Variants in KCNN3 observed in about 807,000 individuals in gnomAD.
The protein encoded by KCNN3 is potassium calcium-activated channel subfamily N member 3.
A neutral mutation model predicts 62.9 loss-of-function variants in KCNN3; 16 were observed. The observed-to-expected ratio is 0.25, with a 90% CI of 0.17 to 0.39. The LOEUF (loss-of-function observed/expected upper bound fraction) is 0.39, where lower values mean the gene tolerates loss of function less well. Ranked by LOEUF, KCNN3 falls within the 10% of genes least tolerant of loss-of-function variation. The probability of loss-of-function intolerance (pLI) is 1.00; values close to 1 mark genes in which losing one functional copy is unlikely to be tolerated. For synonymous variants in KCNN3, 370 were observed against 389.2 expected, an observed-to-expected ratio of 0.95 and a Z score of 0.58; for missense variants, 599 against 949.4, an observed-to-expected ratio of 0.63 and a Z score of 4.85.
chr1:154,801,038 A>G (rs569820072), intron 2 of KCNN3, among the ~76,000 whole-genome samples: 10 of 152,114 alleles, frequency 6.6e-5, no homozygotes, highest in Non-Finnish European at 1.5e-4. Flanking sequence ...CCCCCGCTCA[A>G]AAAGAGAAAG....
chr1:154,817,479 C>G (rs1246286978), intron 2 of KCNN3, among the ~76,000 whole-genome samples: 2 of 152,222 alleles, frequency 1.3e-5, no homozygotes, highest in African/African-American at 2.4e-5. Context: ...GATGGAGTTG[C>G]TGTGGCCTCC....
intron 3 of KCNN3, among the ~76,000 whole-genome samples, chr1:154,746,169 G>T (rs2101807690): frequency 6.6e-6 from 1 of 152,268 alleles, no homozygotes; most frequent in South Asian, 2.1e-4. Context: ...TGCCTGGCTT[G>T]GTGCCTACTT....
At chr1:154,708,540 T>C (rs1700010536) in intron 7 of KCNN3, among the ~76,000 whole-genome samples, 3 of 152,132 alleles carry the variant, frequency 2.0e-5, no homozygotes, top group Non-Finnish European at 4.4e-5. Context: ...GCCCTTTTTT[T>C]TTTCTTAAAT....
intron 3 of KCNN3, among the ~76,000 whole-genome samples, chr1:154,756,185 G>C (rs1383520883): frequency 2.2e-5 from 2 of 92,080 alleles, no homozygotes; most frequent in Non-Finnish European, 4.8e-5. Context: ...AGAGGTGGAG[G>C]ATGGGGAGGG....
intron 6 of KCNN3, 105 bp downstream of exon 6, chr1:154,714,771 T>C: frequency 1.4e-6 from 2 of 1,474,716 alleles, no homozygotes; most frequent in South Asian, 1.1e-5. Context: ...ACTCCACTTG[T>C]TGAGTGGAAC....
At chr1:154,784,762 G>A (rs1009277664) in intron 2 of KCNN3, among the ~76,000 whole-genome samples, 24 of 152,254 alleles carry the variant, frequency 1.6e-4, no homozygotes, top group African/African-American at 5.3e-4. Context: ...ACCAGGTCCT[G>A]TGCTGTGTGC....
chr1:154,731,979 A>G (rs1700604266), intron 4 of KCNN3, among the ~76,000 whole-genome samples: 1 of 152,238 alleles, frequency 6.6e-6, no homozygotes, highest in South Asian at 2.1e-4. Flanking sequence ...CCTGGACCCA[A>G]AGTGCAATGA....
At chr1:154,826,868 G>A (rs1477131249) in intron 1 of KCNN3, among the ~76,000 whole-genome samples, 1 of 152,234 alleles carries the variant, frequency 6.6e-6, no homozygotes, top group Admixed American at 6.5e-5. Flanking sequence ...AGACCTGGAG[G>A]GGCACTGAAC....
intron 7 of KCNN3, 79 bp downstream of exon 7, chr1:154,713,385 C>T (rs1700118814): frequency 8.1e-7 from 1 of 1,238,008 alleles, no homozygotes; most frequent in African/African-American, 1.5e-5. Flanking sequence ...AGTGCGAACC[C>T]AGCCAGGACT....
chr1:154,867,933 A>T (rs1398624556), intron 1 of KCNN3: 1 of 984,876 alleles, frequency 1.0e-6, no homozygotes, highest in Non-Finnish European at 1.2e-6. Context: ...CAAGCAGAGC[A>T]TCGGCAGAAA....
chr1:154,845,012 C>CAA (rs60719320), intron 1 of KCNN3, among the ~76,000 whole-genome samples: 7 of 150,400 alleles, frequency 4.7e-5, no homozygotes, highest in East Asian at 2.0e-4. Flanking sequence ...TCTCAAAAAA[C>CAA]AAAAAAAAGA....
At chr1:154,729,868 A>T (rs1700552775) in intron 4 of KCNN3, among the ~76,000 whole-genome samples, 1 of 152,212 alleles carries the variant, frequency 6.6e-6, no homozygotes, top group African/African-American at 2.4e-5. Flanking sequence ...TTGGCAGTTC[A>T]GAGGCATCTC....
intron 4 of KCNN3, among the ~76,000 whole-genome samples, chr1:154,729,112 T>C (rs1700535923): frequency 6.6e-6 from 1 of 152,132 alleles, no homozygotes; most frequent in Admixed American, 6.5e-5. Context: ...CCTGGCTAAC[T>C]GTGGAATCTT....
In KCNN3 at chr1:154,869,004, A is replaced by G. The variant is rs770055155; in HGVS notation, c.933+28T>C. ...GCTACCTACATATTCCTTTTGTTCAAGGTATAAAGAGAAACCACAGCCCCT... is the reference window on the plus strand; with the variant it reads ...GCTACCTACATATTCCTTTTGTTCAGGGTATAAAGAGAAACCACAGCCCCT... On this transcript the variant is annotated intron_variant, in intron 1 of 7. Transcript: ENST00000271915. The surrounding 1 kb of genome is among the most constrained non-coding windows in gnomAD (Gnocchi z 6.1). 1.2e-6 allele frequency: 2 copies of G among 1,610,436 alleles called. No homozygotes were observed. The highest frequency in any genetic ancestry group is 2.2e-5 in the South Asian group (2 of 90,956).
At chr1:154,823,930 G>A (rs1261322644) in intron 1 of KCNN3, among the ~76,000 whole-genome samples, 2 of 152,176 alleles carry the variant, frequency 1.3e-5, no homozygotes, top group Admixed American at 6.5e-5. Flanking sequence ...TGCTGAGATG[G>A]AATGAAAGTG....
rs1025505619 is a variant in KCNN3 at position 154,772,727 on chromosome 1, G to T, written c.1030-334C>A. Among the ~76,000 whole-genome samples, 25 of 152,134 alleles carry T rather than the reference G, an allele frequency of 1.6e-4. No individual in the cohort carries two copies. The highest frequency in any genetic ancestry group is 3.1e-4 in the Non-Finnish European group (21 of 68,026). ...CTGGTTTAGGCACAGTTCCCAAAACGCTCGGAATTTCCAAAGTGATAAGTG... is the reference window on the plus strand; with the variant it reads ...CTGGTTTAGGCACAGTTCCCAAAACTCTCGGAATTTCCAAAGTGATAAGTG... On this transcript the variant is annotated intron_variant, in intron 2 of 7. Coordinates refer to ENST00000271915, the MANE Select transcript of KCNN3 (RefSeq NM_002249.6). The surrounding 1 kb of genome is among the most constrained non-coding windows in gnomAD (Gnocchi z 5.6).
In KCNN3 at chr1:154,814,207, C is replaced by T. The variant is rs1650560592; in HGVS notation, c.1029+7882G>A. ...GGTCAGGCTCTCAGCCTGTTAGAGGCTCTACTTTCTCCTTAGAATGAGGAG... is the reference window on the plus strand; with the variant it reads ...GGTCAGGCTCTCAGCCTGTTAGAGGTTCTACTTTCTCCTTAGAATGAGGAG... On this transcript the variant is annotated intron_variant, in intron 2 of 7. Coordinates refer to ENST00000271915, the MANE Select transcript of KCNN3 (RefSeq NM_002249.6). 2.0e-5 allele frequency among the ~76,000 whole-genome samples: 3 copies of T among 152,246 alleles called. No individual in the cohort carries two copies. In the South Asian group the frequency reaches 6.2e-4, roughly 32 times the overall value.
Position 154,704,795 on chromosome 1 carries a change from G to C in KCNN3, c.*3181C>G, listed in dbSNP as rs377560576. 4 of 143,928 alleles carry C rather than the reference G, an allele frequency of 2.8e-5. No homozygotes were observed. The East Asian group carries it at 8.4e-4, about 30-fold the overall frequency. The allele number at this position is 143,928 out of a possible 1,614,324, so 8.9% of individuals were successfully genotyped here. On this transcript the variant is annotated 3_prime_UTR_variant, in exon 8 of 8. Coordinates refer to ENST00000271915, the MANE Select transcript of KCNN3 (RefSeq NM_002249.6). ...TAGCCGATTTTTTTTTTTTTTTTGA[G>C]ACGGAGTCTTGCTCGGTCACCCAAG...
chr1:154,758,791 G>A (rs1044393720), intron 3 of KCNN3, among the ~76,000 whole-genome samples: 27 of 148,318 alleles, frequency 1.8e-4, no homozygotes, highest in Non-Finnish European at 3.0e-4. Context: ...GGAGAACATC[G>A]TTTTGTTTTT....
Sources: allele counts gnomAD v4.1 joint callset (sites outside exome capture counted in the v4.1 genomes callset), GRCh38; gene constraint gnomAD v4.1.1; non-coding constraint Gnocchi (gnomAD v3.1); transcripts MANE v1.5; gene names NCBI Gene and HGNC (gene_info 2026-07-23, HGNC 2026-07-21).